TRAPPC8: variants seen among roughly 807,000 people sequenced by gnomAD.
TRAPPC8 encodes the protein trafficking protein particle complex subunit 8.
TRAPPC8 carries 54 observed loss-of-function variants against 174.3 expected under a neutral mutation model. The ratio of observed to expected loss-of-function variants is 0.31; its 90% CI spans 0.25 to 0.39. TRAPPC8 has a LOEUF of 0.39. Among genes scored for constraint, TRAPPC8 ranks in the 10% least tolerant of loss-of-function variants. TRAPPC8 has a pLI of 1.00. For synonymous variants in TRAPPC8, 630 were observed against 579.9 expected (o/e 1.09, Z -1.24); for missense variants, 1,531 against 1,699.1 (o/e 0.90, Z 1.74).
intron 6 of TRAPPC8, 76 bp from the exon 7 acceptor site, chr18:31,909,086 GAAAAA>G: frequency 1.0e-6 from 1 of 958,694 alleles, no homozygotes; most frequent in Non-Finnish European, 1.4e-6. Context: ...TACTGCTAAA[GAAAAA>G]AAAAAAGCAG....
At chr18:31,850,056 A>C (rs1462208550) in intron 24 of TRAPPC8, among the ~76,000 whole-genome samples, 1 of 151,904 alleles carries the variant, frequency 6.6e-6, no homozygotes, top group African/African-American at 2.4e-5. Context: ...GGGCCCAAGC[A>C]ATGTTCCCAT....
At chr18:31,935,474 G>A (rs1254898393) in intron 1 of TRAPPC8, among the ~76,000 whole-genome samples, 1 of 147,922 alleles carries the variant, frequency 6.8e-6, no homozygotes, top group African/African-American at 2.5e-5. Flanking sequence ...CTTGAACCTG[G>A]GAGGTGGAGG....
At chr18:31,872,652 C>T (rs1338523099) in intron 14 of TRAPPC8, among the ~76,000 whole-genome samples, 1 of 152,074 alleles carries the variant, frequency 6.6e-6, no homozygotes, top group African/African-American at 2.4e-5. Context: ...ATCTCTTGAC[C>T]TCATGATCTG....
At chr18:31,895,663 T>C (rs1472466923) in intron 11 of TRAPPC8, 1 of 152,208 alleles carries the variant, frequency 6.6e-6, no homozygotes, top group Non-Finnish European at 1.5e-5. Context: ...AAAAGGAATT[T>C]TATTGAAGCT....
At chr18:31,931,568 T>C (rs112286805) in intron 1 of TRAPPC8, 45 bp from the exon 2 acceptor site, 5 of 1,444,576 alleles carry the variant, frequency 3.5e-6, no homozygotes, top group Non-Finnish European at 1.8e-6. Flanking sequence ...TTCTATACAA[T>C]GCATAATAAC....
At chr18:31,916,993 A>T (rs955646003) in intron 3 of TRAPPC8, among the ~76,000 whole-genome samples, 53 of 152,282 alleles carry the variant, frequency 3.5e-4, no homozygotes, top group Admixed American at 2.6e-4. Flanking sequence ...TATATATGTA[A>T]CAAGGAAACT....
rs569074715 is a variant in TRAPPC8 at position 31,873,528 on chromosome 18, T to C, written c.1964A>G (p.Gln655Arg). 6.2e-7 allele frequency: 1 copy of C among 1,610,514 alleles called. No individual in the cohort carries two copies. Among genetic ancestry groups the C allele is most frequent in the Admixed American group, 1.7e-5 (1 of 59,334 alleles). ...EYLYVYKNVSQLSPDGPLPQL... is the reference protein window; with the variant it reads ...EYLYVYKNVSRLSPDGPLPQL... ...TGGCAAAGGACCATCTGGTGACAGC[T>C]GACTTACATTCTGAGAGAAATATAA... Residue 655 changes from glutamine (Q) to arginine (R), a missense_variant, in exon 14 of 29, where the codon CAG becomes CGG. Gln to Arg is a conservative substitution (Grantham distance 43). Transcript: ENST00000283351.
At chr18:31,870,144 T>TA (rs978187443) in intron 16 of TRAPPC8, 36 of 299,906 alleles carry the variant, frequency 1.2e-4, no homozygotes, top group African/African-American at 6.5e-4. Context: ...AGCAAAATGT[T>TA]AAAGTGGTTA....
In TRAPPC8 at chr18:31,874,637, G is replaced by A. The variant is rs1419644390; in HGVS notation, c.1796C>T (p.Ala599Val). 3 of 1,614,094 alleles carry A rather than the reference G, an allele frequency of 1.9e-6. No homozygotes were observed. Among genetic ancestry groups the A allele is most frequent in the Admixed American group, 1.7e-5 (1 of 60,012 alleles). ...AATAGTGAAATTAATGTGATCCTCT[G>A]CAAGAGACCAGCCTTTTCCTTTGTA... Reference protein sequence around the residue: ...QVYKGKGWSLAEDHINFTIGR... With the variant: ...QVYKGKGWSLVEDHINFTIGR... Residue 599 changes from alanine to valine, a missense_variant, in exon 13 of 29, where the codon GCA (alanine) becomes GTA (valine). Ala to Val is a moderately conservative substitution (Grantham distance 64). Coordinates refer to ENST00000283351, the MANE Select transcript of TRAPPC8 (RefSeq NM_014939.5).
intron 19 of TRAPPC8, among the ~76,000 whole-genome samples, chr18:31,859,643 C>A (rs1017880924): frequency 6.6e-6 from 1 of 152,186 alleles, no homozygotes; most frequent in African/African-American, 2.4e-5. Context: ...AGTGATAGAA[C>A]ACATAAAAGA....
intron 15 of TRAPPC8, 78 bp from the exon 16 acceptor site, chr18:31,870,580 CT>C: frequency 1.4e-6 from 2 of 1,468,272 alleles, no homozygotes; most frequent in South Asian, 1.3e-5. Context: ...CTAAATGCAT[CT>C]TGCTTTCATA....
intron 12 of TRAPPC8, among the ~76,000 whole-genome samples, chr18:31,877,437 C>A (rs1007162075): frequency 1.3e-5 from 2 of 151,230 alleles, no homozygotes; most frequent in South Asian, 2.1e-4. Flanking sequence ...ACGGTGAAAC[C>A]CCGTCTCTAC....
At chr18:31,863,905 T>C (rs1290093560) in intron 19 of TRAPPC8, among the ~76,000 whole-genome samples, 3 of 151,850 alleles carry the variant, frequency 2.0e-5, no homozygotes, top group Non-Finnish European at 4.4e-5. Flanking sequence ...CTAGAGGCTT[T>C]AAAACATTTG....
intron 16 of TRAPPC8, among the ~76,000 whole-genome samples, chr18:31,869,810 C>T (rs1296795590): frequency 1.3e-5 from 2 of 152,080 alleles, no homozygotes; most frequent in Non-Finnish European, 2.9e-5. Flanking sequence ...ACTGGAAGGC[C>T]GGGCGCGGTG....
chr18:31,841,083 T>G (rs2033070189), intron 26 of TRAPPC8, among the ~76,000 whole-genome samples: 1 of 152,126 alleles, frequency 6.6e-6, no homozygotes, highest in Non-Finnish European at 1.5e-5. Context: ...TACAAATGTA[T>G]GAAAATTGAC....
chr18:31,875,134 T>C (rs1422845325), intron 12 of TRAPPC8, among the ~76,000 whole-genome samples: 1 of 152,102 alleles, frequency 6.6e-6, no homozygotes, highest in Non-Finnish European at 1.5e-5. Flanking sequence ...ATTTCACTAA[T>C]ATGATGATGA....
In TRAPPC8 at chr18:31,857,755, C is replaced by T. The variant is rs2034103506; in HGVS notation, c.2973G>A (p.Val991=). The part of the protein sequence containing the change: ...YKTVVTDATS[V]CTALISSASS... Reference sequence around the variant, plus strand: ...AAGCTGATGATATGAGTGCTGTACACACAGAGGTAGCATCTGTCACAACAG... The same window carrying T: ...AAGCTGATGATATGAGTGCTGTACATACAGAGGTAGCATCTGTCACAACAG... The change falls in exon 20 of 29, where the codon GTG becomes GTA. Residue 991 remains valine (V), a synonymous_variant. Coordinates refer to ENST00000283351, the MANE Select transcript of TRAPPC8 (RefSeq NM_014939.5). The T allele has an allele frequency of 6.2e-7, 1 of 1,614,120 alleles. No individual in the cohort carries two copies. The highest frequency in any genetic ancestry group is 8.5e-7 in the Non-Finnish European group (1 of 1,180,026).
chr18:31,902,574 T>G (rs1050959029), intron 9 of TRAPPC8, among the ~76,000 whole-genome samples: 4 of 152,190 alleles, frequency 2.6e-5, no homozygotes, highest in African/African-American at 9.7e-5. Context: ...GCCTCTGATA[T>G]GCTGAGATGT....
intron 22 of TRAPPC8, 42 bp from the exon 23 acceptor site, chr18:31,852,705 A>G: frequency 6.6e-7 from 1 of 1,521,252 alleles, no homozygotes; most frequent in Middle Eastern, 1.7e-4. Context: ...TTCTCAGTTC[A>G]TCACATGATA....
Sources: gnomAD v4.1 joint callset for allele counts (sites outside exome capture counted in the v4.1 genomes callset) on GRCh38, gnomAD v4.1.1 for gene constraint, MANE v1.5 for transcripts, NCBI Gene and HGNC (gene_info 2026-07-23, HGNC 2026-07-21) for gene names.